Variants in ATP2B2 observed in about 807,000 individuals in gnomAD.
ATP2B2 encodes the protein plasma membrane calcium-transporting ATPase 2.
Under a neutral mutation model 120.0 loss-of-function variants are expected in ATP2B2, and 15 were observed. The observed-to-expected ratio is 0.12, with a 90% CI of 0.08 to 0.19. The LOEUF is 0.19. ATP2B2 is among the 10% of genes least tolerant of loss of function. ATP2B2 has a pLI of 1.00. For synonymous variants in ATP2B2, 694 were observed against 700.3 expected (o/e 0.99, Z 0.14); for missense variants, 1,045 against 1,719.8 (o/e 0.61, Z 6.94).
At chr3:10,423,456 C>T (rs550347381) in intron 2 of ATP2B2, among the ~76,000 whole-genome samples, 13 of 152,350 alleles carry the variant, frequency 8.5e-5, no homozygotes, top group South Asian at 2.1e-4. Flanking sequence ...AACAACGGCT[C>T]GGCTTGCTTG....
Position 10,378,463 on chromosome 3 carries a change from G to A in ATP2B2, c.1043-53C>T, listed in dbSNP as rs1010773199. 7 of 1,596,648 alleles carry A rather than the reference G, an allele frequency of 4.4e-6. No homozygotes were observed. In the African/African-American group the frequency reaches 9.3e-5, roughly 21 times the overall value. On this transcript the variant is annotated intron_variant, in intron 9 of 22. Coordinates refer to ENST00000360273, the MANE Select transcript of ATP2B2 (RefSeq NM_001001331.4). ...TACACACAGACACATAGACACACATGCAGGTCAGCCCACAGGGTGGAGACG... is the reference window on the plus strand; with the variant it reads ...TACACACAGACACATAGACACACATACAGGTCAGCCCACAGGGTGGAGACG...
At chr3:10,577,977 G>A (rs1378568388) in intron 2 of ATP2B2, among the ~76,000 whole-genome samples, 1 of 152,154 alleles carries the variant, frequency 6.6e-6, no homozygotes, top group Non-Finnish European at 1.5e-5. Flanking sequence ...AACTGTGGCT[G>A]TGACACAGTC....
chr3:10,502,282 G>A (rs1312609859), intron 1 of ATP2B2, among the ~76,000 whole-genome samples: 1 of 152,240 alleles, frequency 6.6e-6, no homozygotes, highest in Non-Finnish European at 1.5e-5. Context: ...AGTGTCCAGG[G>A]CTCTCTGGCA....
At chr3:10,332,912 T>G (rs1489755934) in intron 22 of ATP2B2, among the ~76,000 whole-genome samples, 1 of 152,110 alleles carries the variant, frequency 6.6e-6, no homozygotes, top group African/African-American at 2.4e-5. Context: ...TATAAGGCAA[T>G]AGGGACGTGC....
chr3:10,352,075 G>T (rs1253160210), intron 14 of ATP2B2, among the ~76,000 whole-genome samples: 1 of 152,224 alleles, frequency 6.6e-6, no homozygotes, highest in Non-Finnish European at 1.5e-5. Context: ...CTCCTGCCTG[G>T]GGTCTCCTTT....
intron 2 of ATP2B2, among the ~76,000 whole-genome samples, chr3:10,537,831 A>C (rs1028645441): frequency 1.3e-5 from 2 of 152,128 alleles, no homozygotes; most frequent in Non-Finnish European, 2.9e-5. Flanking sequence ...GTTTCTCTCT[A>C]TTCCTACTTT....
intron 2 of ATP2B2, among the ~76,000 whole-genome samples, chr3:10,412,779 C>T (rs965820984): frequency 1.1e-4 from 16 of 152,290 alleles, no homozygotes; most frequent in East Asian, 1.9e-4. Context: ...AATGCAGGTC[C>T]GAGTGTTACG....
chr3:10,497,490 A>G (rs552100561), intron 1 of ATP2B2, among the ~76,000 whole-genome samples: 1 of 152,380 alleles, frequency 6.6e-6, no homozygotes, highest in East Asian at 1.9e-4. Flanking sequence ...GAAGAGACTC[A>G]TTAAAGTTCA....
At chr3:10,519,198 C>T (rs76601080) in intron 3 of ATP2B2, among the ~76,000 whole-genome samples, 2,310 of 152,298 alleles carry the variant, frequency 0.015, 34 homozygotes, top group Admixed American at 0.035. Flanking sequence ...ATCTGTACTC[C>T]GGGCACTGTG....
At chr3:10,361,341 T>C (rs1575013588) in intron 12 of ATP2B2, among the ~76,000 whole-genome samples, 1 of 152,350 alleles carries the variant, frequency 6.6e-6, no homozygotes, top group East Asian at 1.9e-4. Flanking sequence ...GTTGTAACAC[T>C]GTTTCTGAGA....
intron 1 of ATP2B2, among the ~76,000 whole-genome samples, chr3:10,648,358 C>G (rs1359346393): frequency 6.6e-6 from 1 of 152,212 alleles, no homozygotes; most frequent in Non-Finnish European, 1.5e-5. Flanking sequence ...ACATCTCTGG[C>G]CATGCTTTCT....
chr3:10,602,569 GGAT>G (rs2068953438), intron 2 of ATP2B2, among the ~76,000 whole-genome samples: 1 of 152,212 alleles, frequency 6.6e-6, no homozygotes, highest in Admixed American at 6.5e-5. Context: ...TTTAATCATA[GGAT>G]GATTTTTATT....
chr3:10,655,047 C>T (rs1383741430), intron 1 of ATP2B2, among the ~76,000 whole-genome samples: 1 of 152,160 alleles, frequency 6.6e-6, no homozygotes, highest in Admixed American at 6.5e-5. Context: ...GATGCTTCCA[C>T]GTGAGCTTTC....
intron 1 of ATP2B2, among the ~76,000 whole-genome samples, chr3:10,495,628 T>C (rs1347395009): frequency 6.6e-6 from 1 of 152,162 alleles, no homozygotes; most frequent in Non-Finnish European, 1.5e-5. Flanking sequence ...TTCCTTCCCC[T>C]GAGGTCATGG....
intron 1 of ATP2B2, among the ~76,000 whole-genome samples, chr3:10,646,067 C>T (rs975203679): frequency 2.0e-5 from 3 of 152,110 alleles, no homozygotes; most frequent in African/African-American, 4.8e-5. Context: ...GTGAAGACCC[C>T]GCCCAGAAAC....
chr3:10,691,579 G>T (rs572257555), intron 1 of ATP2B2, among the ~76,000 whole-genome samples: 2 of 152,134 alleles, frequency 1.3e-5, no homozygotes, highest in Non-Finnish European at 2.9e-5. Flanking sequence ...GTTTCTCCAC[G>T]TCAGCTCCCC....
intron 1 of ATP2B2, among the ~76,000 whole-genome samples, chr3:10,624,087 G>T (rs557339749): frequency 7.2e-5 from 11 of 152,308 alleles, no homozygotes; most frequent in African/African-American, 2.4e-4. Context: ...ACAAGGCAAT[G>T]ACTAAGGCTC....
intron 3 of ATP2B2, among the ~76,000 whole-genome samples, chr3:10,521,257 A>G (rs1233235528): frequency 6.6e-6 from 1 of 152,236 alleles, no homozygotes; most frequent in Non-Finnish European, 1.5e-5. Flanking sequence ...AGCAGAGCCA[A>G]TCCTACCACT....
chr3:10,385,246 G>A (rs2061640482), intron 8 of ATP2B2, 22 bp downstream of exon 8: 1 of 1,613,430 alleles, frequency 6.2e-7, no homozygotes. Context: ...CCATGACCAG[G>A]AGCTCGCCGT....
Sources: allele counts gnomAD v4.1 joint callset (sites outside exome capture counted in the v4.1 genomes callset), GRCh38; gene constraint gnomAD v4.1.1; transcripts MANE v1.5; gene names NCBI Gene and HGNC (gene_info 2026-07-23, HGNC 2026-07-21).